AIG1: variants seen among roughly 807,000 people sequenced by gnomAD.
AIG1 encodes the protein androgen induced 1.
AIG1 carries 23 observed loss-of-function variants against 31.4 expected under a neutral mutation model. The ratio of observed to expected loss-of-function variants is 0.73; its 90% CI spans 0.53 to 1.04. The LOEUF is 1.04. Ranked by LOEUF, AIG1 falls within the 50% of genes least tolerant of loss-of-function variation. The probability of loss-of-function intolerance (pLI) is 0.00; values close to 1 mark genes in which losing one functional copy is unlikely to be tolerated. For missense variants in AIG1, 274 were observed against 295.0 expected (o/e 0.93, Z 0.52); for synonymous variants, 100 against 110.5 (o/e 0.90, Z 0.60).
intron 1 of AIG1, among the ~76,000 whole-genome samples, chr6:143,102,522 A>G (rs1329338785): frequency 6.8e-6 from 1 of 147,494 alleles, no homozygotes; most frequent in Admixed American, 6.8e-5. Flanking sequence ...TATATAATAT[A>G]ATATGTAAAA....
chr6:143,179,596 A>C (rs1306657527), intron 3 of AIG1, among the ~76,000 whole-genome samples: 1 of 152,238 alleles, frequency 6.6e-6, no homozygotes, highest in Non-Finnish European at 1.5e-5. Context: ...AAGTTTTAGA[A>C]GTTAGACATG....
intron 1 of AIG1, among the ~76,000 whole-genome samples, chr6:143,129,073 C>G (rs570588521): frequency 6.6e-6 from 1 of 152,200 alleles, no homozygotes; most frequent in East Asian, 1.9e-4. Flanking sequence ...AGGCAGATCA[C>G]GAGGTCAAGA....
At chr6:143,140,871 A>G (rs1231670831) in intron 2 of AIG1, among the ~76,000 whole-genome samples, 1 of 152,220 alleles carries the variant, frequency 6.6e-6, no homozygotes, top group African/African-American at 2.4e-5. Context: ...GGGGAGTACC[A>G]GACATCCTAT....
At chr6:143,289,174 A>T (rs921103654) in intron 4 of AIG1, among the ~76,000 whole-genome samples, 36 of 152,190 alleles carry the variant, frequency 2.4e-4, no homozygotes, top group Admixed American at 2.2e-3. Flanking sequence ...ACTCTCTACA[A>T]ATGCAAAGAT....
chr6:143,309,566 G>A (rs1320122390), intron 4 of AIG1, among the ~76,000 whole-genome samples: 1 of 151,746 alleles, frequency 6.6e-6, no homozygotes, highest in Non-Finnish European at 1.5e-5. Flanking sequence ...AACAGAAAGG[G>A]GGAAGGGCAT....
chr6:143,093,376 C>T (rs1377945246), intron 1 of AIG1, among the ~76,000 whole-genome samples: 1 of 152,240 alleles, frequency 6.6e-6, no homozygotes, highest in Non-Finnish European at 1.5e-5. Context: ...CCTCATCCCT[C>T]TCAGCCCTCA....
rs182258647 is a variant in AIG1 at position 143,300,203 on chromosome 6, A to T, written c.515+15978A>T. On this transcript the variant is annotated intron_variant, in intron 4 of 5. Transcript: ENST00000357847. ...GGGGACCAATGAGCATGTCACTCCA[A>T]CACATTGGCAGTGGAAATTCTTCAG... Among the ~76,000 whole-genome samples the T allele has an allele frequency of 2.0e-5, 3 of 152,312 alleles. No homozygotes were observed. The East Asian group carries it at 5.8e-4, about 29-fold the overall frequency.
chr6:143,312,074 G>A (rs528808062), intron 4 of AIG1, among the ~76,000 whole-genome samples: 6 of 151,838 alleles, frequency 4.0e-5, no homozygotes, highest in African/African-American at 7.2e-5. Context: ...CACAAAAAGC[G>A]GAAGGATATT....
At position 143,297,313 on chromosome 6, in the gene AIG1, A is replaced by T. The variant is rs59145715; in HGVS notation, c.515+13088A>T. Reference sequence around the variant, plus strand: ...AGCCAAAGCAGTTCAGTGCACCTGGACCCATTGACATTTTGCCCTCCTCCT... The same window carrying T: ...AGCCAAAGCAGTTCAGTGCACCTGGTCCCATTGACATTTTGCCCTCCTCCT... On this transcript the variant is annotated intron_variant, in intron 4 of 5. Transcript: ENST00000357847. The surrounding 1 kb of genome is among the most constrained non-coding windows in gnomAD (Gnocchi z 5.1). Among the ~76,000 whole-genome samples the T allele has an allele frequency of 0.041, 6,265 of 152,222 alleles. 417 individuals carry two copies. Among genetic ancestry groups the T allele is most frequent in the African/African-American group, 0.14 (5,815 of 41,504 alleles).
In AIG1 at chr6:143,284,407, C is replaced by T. The variant is rs575602728; in HGVS notation, c.515+182C>T. 1.4e-4 allele frequency among the ~76,000 whole-genome samples: 21 copies of T among 152,322 alleles called. No homozygotes were observed. Among genetic ancestry groups the T allele is most frequent in the Admixed American group, 1.1e-3 (17 of 15,302 alleles). ...TATTTTTAGAAAGTATATGCCAAAC[C>T]TCACACAACAGGAATTTGTTGAACA... On this transcript the variant is annotated intron_variant, in intron 4 of 5. Coordinates refer to ENST00000357847, the MANE Select transcript of AIG1 (RefSeq NM_016108.4). This position sits in a 1 kb window ranked among gnomAD's most constrained non-coding sequence, Gnocchi z 4.4.
chr6:143,337,868 C>T, intron 5 of AIG1: 1 of 398,028 alleles, frequency 2.5e-6, no homozygotes, highest in East Asian at 3.6e-5. Flanking sequence ...AAAAGTGTAT[C>T]CTGCCTTCGC....
In AIG1 at chr6:143,329,759, T is replaced by C. The variant is rs1399999096; in HGVS notation, c.516-3523T>C. On this transcript the variant is annotated intron_variant, in intron 4 of 5. Coordinates refer to ENST00000357847, the MANE Select transcript of AIG1 (RefSeq NM_016108.4). This position sits in a 1 kb window ranked among gnomAD's most constrained non-coding sequence, Gnocchi z 4.9. ...TTAAATAGTTGAAAAAATCAAAAGA[T>C]GAATATTTCATGATGTGAAAATTAC... is the stretch of plus-strand genomic sequence containing the variant. Among the ~76,000 whole-genome samples the C allele has an allele frequency of 1.3e-5, 2 of 152,240 alleles. No individual in the cohort carries two copies. Among genetic ancestry groups the C allele is most frequent in the African/African-American group, 4.8e-5 (2 of 41,464 alleles).
intron 3 of AIG1, among the ~76,000 whole-genome samples, chr6:143,195,016 T>C (rs971654665): frequency 6.6e-6 from 1 of 152,194 alleles, no homozygotes; most frequent in African/African-American, 2.4e-5. Flanking sequence ...CCAACACATA[T>C]TTATTTAACC....
chr6:143,229,627 G>C (rs1429787571), intron 3 of AIG1, among the ~76,000 whole-genome samples: 2 of 152,084 alleles, frequency 1.3e-5, no homozygotes, highest in Non-Finnish European at 2.9e-5. Context: ...CACCATGACA[G>C]TGACAACTCA....
intron 3 of AIG1, among the ~76,000 whole-genome samples, chr6:143,264,238 C>A (rs1796001263): frequency 6.6e-6 from 1 of 152,082 alleles, no homozygotes; most frequent in Non-Finnish European, 1.5e-5. Context: ...TATCTTGTGC[C>A]CACACTGCGG....
rs182700994 is a variant in AIG1 at position 143,076,123 on chromosome 6, T to C, written c.141+15057T>C. Reference sequence around the variant, plus strand: ...TATTCAGGTCTTGTATATTCTTGCTTGTTTTCTGGGTCTCTCATTAACTGA... The same window carrying C: ...TATTCAGGTCTTGTATATTCTTGCTCGTTTTCTGGGTCTCTCATTAACTGA... On this transcript the variant is annotated intron_variant, in intron 1 of 5. Coordinates refer to ENST00000357847, the MANE Select transcript of AIG1 (RefSeq NM_016108.4). 6.6e-5 allele frequency among the ~76,000 whole-genome samples: 10 copies of C among 152,332 alleles called. No homozygotes were observed. The East Asian group carries it at 7.7e-4, about 12-fold the overall frequency.
intron 4 of AIG1, among the ~76,000 whole-genome samples, chr6:143,307,897 A>AGCCT (rs1255439370): frequency 6.6e-6 from 1 of 152,236 alleles, no homozygotes; most frequent in Admixed American, 6.5e-5. Flanking sequence ...TACCTAAGCA[A>AGCCT]GCCTGGGCAA....
intron 1 of AIG1, among the ~76,000 whole-genome samples, chr6:143,129,927 T>C (rs921962480): frequency 2.0e-5 from 3 of 151,400 alleles, no homozygotes. Context: ...CTTATGTAAA[T>C]AGACACTTTT....
intron 3 of AIG1, among the ~76,000 whole-genome samples, chr6:143,206,530 T>C (rs1791120229): frequency 1.3e-5 from 2 of 152,162 alleles, no homozygotes; most frequent in South Asian, 4.1e-4. Flanking sequence ...TATTTTCAAA[T>C]ATCCATTTGA....
Sources: gnomAD v4.1 joint callset for allele counts (sites outside exome capture counted in the v4.1 genomes callset) on GRCh38, gnomAD v4.1.1 for gene constraint, Gnocchi (gnomAD v3.1) non-coding constraint, MANE v1.5 for transcripts, NCBI Gene and HGNC (gene_info 2026-07-23, HGNC 2026-07-21) for gene names.